RASAL2: variants seen among roughly 807,000 people sequenced by gnomAD.
RASAL2 encodes the protein RAS protein activator like 2.
A neutral mutation model predicts 128.9 loss-of-function variants in RASAL2; 58 were observed. The ratio of observed to expected loss-of-function variants is 0.45; its 90% CI spans 0.36 to 0.56. The LOEUF (loss-of-function observed/expected upper bound fraction) is 0.56. RASAL2 is among the 20% of genes least tolerant of loss of function. RASAL2 has a pLI of 0.00. For missense variants in RASAL2, 1,360 were observed against 1,601.6 expected (o/e 0.85, Z 2.57); for synonymous variants, 561 against 580.8 (o/e 0.97, Z 0.49).
At chr1:178,465,269 T>C (rs1647557249) in intron 15 of RASAL2, among the ~76,000 whole-genome samples, 1 of 152,210 alleles carries the variant, frequency 6.6e-6, no homozygotes, top group African/African-American at 2.4e-5. Flanking sequence ...CTTTGTTTAG[T>C]GCTTGTGACT....
chr1:178,470,820 A>C, intron 17 of RASAL2: 17 of 991,470 alleles, frequency 1.7e-5, no homozygotes, highest in Non-Finnish European at 2.4e-5. Context: ...CACTCCCCAC[A>C]TGGGAATCCT....
chr1:178,168,277 A>AT (rs1661584702), intron 1 of RASAL2, among the ~76,000 whole-genome samples: 1 of 151,570 alleles, frequency 6.6e-6, no homozygotes, highest in Non-Finnish European at 1.5e-5. Flanking sequence ...GAGAAGCCAA[A>AT]AAAAAAAAAA....
At chr1:178,401,532 T>C (rs753159256) in intron 4 of RASAL2, among the ~76,000 whole-genome samples, 6 of 152,146 alleles carry the variant, frequency 3.9e-5, no homozygotes, top group Non-Finnish European at 7.3e-5. Context: ...TCCAAGCTAT[T>C]TGGGAGCCTG....
chr1:178,319,811 A>G (rs983333829), intron 3 of RASAL2, among the ~76,000 whole-genome samples: 2 of 152,228 alleles, frequency 1.3e-5, no homozygotes, highest in Admixed American at 1.3e-4. Context: ...GTCATTCTCC[A>G]TCCAGCTTTG....
At chr1:178,441,070 A>G (rs1676614589) in intron 6 of RASAL2, among the ~76,000 whole-genome samples, 1 of 125,238 alleles carries the variant, frequency 8.0e-6, no homozygotes, top group Non-Finnish European at 1.8e-5. Flanking sequence ...ATGAATTTAA[A>G]ATGGCCTTTG....
chr1:178,252,614 T>A (rs563172085), intron 1 of RASAL2, among the ~76,000 whole-genome samples: 155 of 152,280 alleles, frequency 1.0e-3, no homozygotes, highest in South Asian at 3.1e-3. Context: ...GAAATAGAAA[T>A]GAAATCATTA....
rs368414158 is a variant in RASAL2 at position 178,154,062 on chromosome 1, C to G, written c.202+59368C>G. ...TGTTGGTCAGGCTGGTCTTGAACTC[C>G]TGACCTCAGGTGATCCACCTGCCTC... On this transcript the variant is annotated intron_variant, in intron 1 of 17. Transcript: ENST00000367649. Among the ~76,000 whole-genome samples the G allele has an allele frequency of 3.1e-4, 47 of 152,156 alleles. No individual in the cohort carries two copies. The South Asian group carries it at 9.7e-3, about 32-fold the overall frequency.
intron 1 of RASAL2, among the ~76,000 whole-genome samples, chr1:178,103,357 G>A (rs866604455): frequency 2.6e-5 from 4 of 151,918 alleles, no homozygotes; most frequent in African/African-American, 9.7e-5. Flanking sequence ...TTGAGTATAA[G>A]CCATTTTGCT....
At chr1:178,412,034 C>A in intron 4 of RASAL2, 4 of 390,354 alleles carry the variant, frequency 1.0e-5, no homozygotes, top group East Asian at 5.0e-5. Flanking sequence ...CCTCAAAATA[C>A]TTTCTGAAAA....
chr1:178,447,930 G>T (rs1209431730), intron 9 of RASAL2, among the ~76,000 whole-genome samples: 3 of 152,040 alleles, frequency 2.0e-5, no homozygotes, highest in African/African-American at 7.2e-5. Flanking sequence ...AGAAGTAGTA[G>T]GTGTGAAACA....
At chr1:178,254,000 C>T (rs147413699) in intron 1 of RASAL2, among the ~76,000 whole-genome samples, 11 of 152,280 alleles carry the variant, frequency 7.2e-5, no homozygotes, top group African/African-American at 2.6e-4. Context: ...GTTGTCCATT[C>T]TTTTTGAAAT....
At position 178,475,394 on chromosome 1, in the gene RASAL2, T is replaced by C. The variant is rs1208919077; in HGVS notation, c.*2155T>C. The C allele has an allele frequency of 2.6e-5, 4 of 152,256 alleles. No individual in the cohort carries two copies. The highest frequency in any genetic ancestry group is 9.6e-5 in the African/African-American group (4 of 41,466). The allele number at this position is 152,256 out of a possible 1,614,324, so 9.4% of individuals were successfully genotyped here. A position where few individuals can be genotyped will look rare whatever the true frequency, so the allele number is the denominator to read the frequency against. On this transcript the variant is annotated 3_prime_UTR_variant, in exon 18 of 18. Coordinates refer to ENST00000367649, the MANE Select transcript of RASAL2 (RefSeq NM_170692.4). ...AAGAGGTAACTGTTCCAAAGTGTAGTGTCCTTTGTTGAAGGAGGAGGGATG... is the reference window on the plus strand; with the variant it reads ...AAGAGGTAACTGTTCCAAAGTGTAGCGTCCTTTGTTGAAGGAGGAGGGATG...
intron 1 of RASAL2, among the ~76,000 whole-genome samples, chr1:178,186,194 C>T (rs1362273547): frequency 4.6e-5 from 7 of 150,890 alleles, no homozygotes; most frequent in African/African-American, 9.7e-5. Flanking sequence ...GTCCGCATAA[C>T]GTCCATGTGA....
At chr1:178,347,026 G>C (rs912888192) in intron 3 of RASAL2, among the ~76,000 whole-genome samples, 1 of 152,060 alleles carries the variant, frequency 6.6e-6, no homozygotes, top group Non-Finnish European at 1.5e-5. Flanking sequence ...TAATGGAAGG[G>C]TATTTAAAAC....
intron 3 of RASAL2, among the ~76,000 whole-genome samples, chr1:178,342,247 A>G (rs1211800450): frequency 3.3e-5 from 5 of 152,344 alleles, no homozygotes; most frequent in East Asian, 1.9e-4. Context: ...TCTATAGTCT[A>G]TTCTCTCCAT....
At chr1:178,103,058 A>G (rs1489133121) in intron 1 of RASAL2, among the ~76,000 whole-genome samples, 1 of 152,198 alleles carries the variant, frequency 6.6e-6, no homozygotes, top group East Asian at 1.9e-4. Context: ...GAGCCGGTAA[A>G]TTGCTTTATA....
intron 15 of RASAL2, among the ~76,000 whole-genome samples, chr1:178,464,626 G>T (rs774345168): frequency 4.0e-5 from 6 of 148,518 alleles, no homozygotes; most frequent in Non-Finnish European, 8.9e-5. Flanking sequence ...TGTTCATCTT[G>T]CTAGGGGGTG....
Position 178,094,603 on chromosome 1 carries a change from T to G in RASAL2, c.111T>G (p.Val37=). ...TGCCCCCGGAGGACCTGGACGCGGT[T>G]GTCCCAGTCAGTGGAGCCGTCGCCG... The part of the protein sequence containing the change: ...SPLPPEDLDA[V]VPVSGAVAGG... The change falls in exon 1 of 18, where the codon GTT becomes GTG. Residue 37 remains valine (V), a synonymous_variant. Transcript: ENST00000367649. The G allele has an allele frequency of 6.2e-7, 1 of 1,612,556 alleles. No individual in the cohort carries two copies. The highest frequency in any genetic ancestry group is 2.2e-5 in the East Asian group (1 of 44,834).
intron 3 of RASAL2, among the ~76,000 whole-genome samples, chr1:178,312,007 TA>T (rs1398536627): frequency 6.6e-6 from 1 of 150,926 alleles, no homozygotes; most frequent in African/African-American, 2.4e-5. Flanking sequence ...AATTAGAATA[TA>T]AAACTCAATA....
Sources: gnomAD v4.1 joint callset for allele counts (sites outside exome capture counted in the v4.1 genomes callset) on GRCh38, gnomAD v4.1.1 for gene constraint, MANE v1.5 for transcripts, NCBI Gene and HGNC (gene_info 2026-07-23, HGNC 2026-07-21) for gene names.